The following TMPRSS9 variants were observed in gnomAD, a reference collection of about 807,000 sequenced individuals.
The protein encoded by TMPRSS9 is transmembrane serine protease 9, also known as transmembrane protease serine 9.
In TMPRSS9, 113 loss-of-function variants were observed where a neutral mutation model predicts 111.4. That is an observed-to-expected ratio of 1.01 (90% CI 0.87 to 1.19). The LOEUF (loss-of-function observed/expected upper bound fraction) is 1.19, where lower values mean the gene tolerates loss of function less well. TMPRSS9 is among the 50% of genes most tolerant of loss of function. The pLI is 0.00. For synonymous variants in TMPRSS9, 805 were observed against 659.1 expected, an observed-to-expected ratio of 1.22 and a Z score of -3.39; for missense variants, 1,803 against 1,513.1, an observed-to-expected ratio of 1.19 and a Z score of -3.18.
chr19:2,367,805 T>C (rs1438675272), intron 1 of TMPRSS9, among the ~76,000 whole-genome samples: 1 of 152,036 alleles, frequency 6.6e-6, no homozygotes, highest in Non-Finnish European at 1.5e-5. Flanking sequence ...CCTCAGGTGA[T>C]CCACCCACCT....
chr19:2,393,341 A>G (rs923506741), intron 1 of TMPRSS9, among the ~76,000 whole-genome samples: 1 of 152,110 alleles, frequency 6.6e-6, no homozygotes, highest in African/African-American at 2.4e-5. Context: ...ACAACTCCAG[A>G]CACGCTGCCT....
chr19:2,402,775 AAAAT>A (rs1013131762), intron 5 of TMPRSS9, among the ~76,000 whole-genome samples: 8 of 151,514 alleles, frequency 5.3e-5, no homozygotes, highest in African/African-American at 1.7e-4. Flanking sequence ...AAAAATAAAT[AAAAT>A]AAATAGCCTG....
At chr19:2,370,723 T>TGCTTTC (rs1275367829) in intron 1 of TMPRSS9, among the ~76,000 whole-genome samples, 1 of 152,104 alleles carries the variant, frequency 6.6e-6, no homozygotes, top group Admixed American at 6.5e-5. Flanking sequence ...CTTTTGCTTT[T>TGCTTTC]GCTTTCTCTC....
chr19:2,362,798 G>A (rs1970211311), intron 1 of TMPRSS9, among the ~76,000 whole-genome samples: 1 of 152,012 alleles, frequency 6.6e-6, no homozygotes, highest in South Asian at 2.1e-4. Context: ...GTGAGGTTGT[G>A]TGTGGTTGTA....
intron 1 of TMPRSS9, among the ~76,000 whole-genome samples, chr19:2,395,800 G>C (rs1336681893): frequency 1.3e-5 from 2 of 152,168 alleles, no homozygotes; most frequent in Non-Finnish European, 2.9e-5. Context: ...GAGGTCAGGA[G>C]ATAGAGACCA....
chr19:2,381,881 C>T (rs909944741), intron 1 of TMPRSS9, among the ~76,000 whole-genome samples: 4 of 152,218 alleles, frequency 2.6e-5, no homozygotes, highest in Non-Finnish European at 4.4e-5. Context: ...CTCGCTCTGT[C>T]GCCCAGGCTT....
chr19:2,403,010 T>A, intron 5 of TMPRSS9, 72 bp from the exon 7 acceptor site: 1 of 1,050,064 alleles, frequency 9.5e-7, no homozygotes. Flanking sequence ...TGGTACTAAG[T>A]ATAGCATGGT....
Position 2,411,299 on chromosome 19 carries a change from CAAAAAAAAAAAAAAAAAA to C in TMPRSS9, c.1254+922_1254+939del, listed in dbSNP as rs771305642. On this transcript the variant is annotated intron_variant, in intron 9 of 17. Coordinates refer to ENST00000648592, the Ensembl canonical transcript of TMPRSS9. Reference sequence around the variant, plus strand: ...TGGGCGACAAAGCAAGACTCTGTCTCAAAAAAAAAAAAAAAAAAAAAAAAAAAAAAAAAAGAGAAAATC... The same window carrying C: ...TGGGCGACAAAGCAAGACTCTGTCTCAAAAAAAAAAAAAAAAGAGAAAATC... 7.7e-3 allele frequency among the ~76,000 whole-genome samples: 250 copies of C among 32,362 alleles called. 3 individuals are homozygous for C. The highest frequency in any genetic ancestry group is 0.042 in the Middle Eastern group (1 of 24). The allele number at this position is 32,362 out of a possible 152,430, so 21.2% of individuals were successfully genotyped here.
exon 17 of TMPRSS9, chr19:2,425,363 T>G: frequency 6.6e-7 from 1 of 1,514,714 alleles, no homozygotes; most frequent in Non-Finnish European, 8.8e-7. Flanking sequence ...GCAGGCTCCA[T>G]GGCGCGGCAG....
chr19:2,413,997 G>C, exon 10 of TMPRSS9: 1 of 1,598,728 alleles, frequency 6.3e-7, no homozygotes, highest in South Asian at 1.1e-5. Context: ...TCTTGACTGG[G>C]TCACCGTTCC....
At chr19:2,417,639 C>A (rs1396806546) in intron 12 of TMPRSS9, among the ~76,000 whole-genome samples, 1 of 152,114 alleles carries the variant, frequency 6.6e-6, no homozygotes, top group Non-Finnish European at 1.5e-5. Flanking sequence ...CAGAGCAAGA[C>A]CCTGTCTCAA....
chr19:2,400,072 C>T lies in TMPRSS9; in HGVS notation c.514+879C>T, dbSNP rs1238349225. 2.0e-5 allele frequency among the ~76,000 whole-genome samples: 3 copies of T among 152,216 alleles called. No individual in the cohort carries two copies. In the East Asian group the frequency reaches 5.8e-4, roughly 29 times the overall value. On this transcript the variant is annotated intron_variant, in intron 4 of 17. Transcript: ENST00000648592. ...GTCCGTTGGGTTTCTGTGACAAGCA[C>T]TCAGCTCTGTTATTTGTAGCACAAA...
At chr19:2,376,938 G>T (rs1475801013) in intron 1 of TMPRSS9, among the ~76,000 whole-genome samples, 1 of 152,038 alleles carries the variant, frequency 6.6e-6, no homozygotes, top group Non-Finnish European at 1.5e-5. Flanking sequence ...GGAAGGCCAG[G>T]CAGGGTCGCG....
intron 11 of TMPRSS9, 132 bp downstream of exon 12, chr19:2,415,973 TGA>T (rs1374520103): frequency 1.8e-6 from 2 of 1,120,046 alleles, no homozygotes; most frequent in Non-Finnish European, 1.2e-6. Flanking sequence ...TGAGGGCAGC[TGA>T]GAGACAGGAG....
chr19:2,374,141 A>G (rs1281417014), intron 1 of TMPRSS9, among the ~76,000 whole-genome samples: 1 of 151,448 alleles, frequency 6.6e-6, no homozygotes, highest in Admixed American at 6.6e-5. Flanking sequence ...CTGCTTTTCA[A>G]GCTATTACAT....
At chr19:2,416,932 G>A (rs555661843) in intron 12 of TMPRSS9, 123 bp downstream of exon 13, 1 of 1,275,802 alleles carries the variant, frequency 7.8e-7, no homozygotes, top group African/African-American at 1.5e-5. Flanking sequence ...GACCTCTGTG[G>A]CTGATCCCTT....
At chr19:2,367,517 C>T (rs1446749595) in intron 1 of TMPRSS9, among the ~76,000 whole-genome samples, 2 of 151,816 alleles carry the variant, frequency 1.3e-5, no homozygotes, top group African/African-American at 2.4e-5. Context: ...GCCTCAGCCT[C>T]CCAAGTAGCT....
At chr19:2,394,066 G>C (rs12232833) in intron 1 of TMPRSS9, among the ~76,000 whole-genome samples, 85,504 of 151,962 alleles carry the variant, frequency 0.56, 24,741 homozygotes, top group Middle Eastern at 0.68. Flanking sequence ...AGTTGGTCAT[G>C]GTGGCATGTG....
chr19:2,415,770 G>T, exon 11 of TMPRSS9: 1 of 1,610,502 alleles, frequency 6.2e-7, no homozygotes, highest in East Asian at 2.2e-5. Context: ...TGAAGGAAGG[G>T]TCCCGGCACT....
Sources: allele counts gnomAD v4.1 joint callset (sites outside exome capture counted in the v4.1 genomes callset), GRCh38; gene constraint gnomAD v4.1.1; transcripts MANE v1.5; gene names NCBI Gene and HGNC (gene_info 2026-07-23, HGNC 2026-07-21).